The following ASTN1 variants were observed in gnomAD, a reference collection of about 807,000 sequenced individuals.
The protein encoded by ASTN1 is astrotactin-1.
A neutral mutation model predicts 140.7 loss-of-function variants in ASTN1; 41 were observed. The observed-to-expected ratio is 0.29, with a 90% CI of 0.23 to 0.38. The LOEUF (loss-of-function observed/expected upper bound fraction) is 0.38, where lower values mean the gene tolerates loss of function less well. ASTN1 is among the 10% of genes least tolerant of loss of function. ASTN1 has a pLI of 1.00. For missense variants in ASTN1, 1,479 were observed against 1,678.8 expected (o/e 0.88, Z 2.08); for synonymous variants, 640 against 652.2 (o/e 0.98, Z 0.29).
At chr1:176,969,487 C>G (rs994416924) in intron 8 of ASTN1, among the ~76,000 whole-genome samples, 3 of 152,194 alleles carry the variant, frequency 2.0e-5, no homozygotes, top group Non-Finnish European at 4.4e-5. Flanking sequence ...GACAGCAACT[C>G]CTATCTGGTT....
intron 8 of ASTN1, among the ~76,000 whole-genome samples, chr1:176,972,353 T>C (rs1194234814): frequency 6.6e-6 from 1 of 152,190 alleles, no homozygotes; most frequent in African/African-American, 2.4e-5. Flanking sequence ...CCGATCAGTG[T>C]GGTGGCCAGC....
rs541525146 is a variant in ASTN1 at position 177,047,598 on chromosome 1, A to T, written c.471+13480T>A. On this transcript the variant is annotated intron_variant, in intron 2 of 22. Transcript: ENST00000361833. ...TTTTTTAAGGGAAACAAGGCAGAAG[A>T]CAAGAGTGAAGAGGATGGAAACCAC... Among the ~76,000 whole-genome samples the T allele has an allele frequency of 2.6e-5, 4 of 152,322 alleles. No individual in the cohort carries two copies. In the East Asian group the frequency reaches 7.7e-4, roughly 29 times the overall value.
rs765069670 is a variant in ASTN1 at position 176,957,727 on chromosome 1, T to G, written c.1838A>C (p.Lys613Thr). 6.2e-7 allele frequency: 1 copy of G among 1,614,102 alleles called. No individual in the cohort carries two copies. Reference protein sequence around the residue: ...DCSKDNGGCSKNFRCISDRKL... With the variant: ...DCSKDNGGCSTNFRCISDRKL... ...GCGATCTGAAATACAGCGGAAATTC[T>G]TACTGCAGCCCCCGTTATCTTTGCT... is the stretch of plus-strand genomic sequence containing the variant. Residue 613 changes from lysine (K) to threonine (T), a missense_variant, in exon 11 of 23, where the codon AAG becomes ACG. By Grantham distance (78) the Lys-to-Thr change is moderately conservative (BLOSUM62 -1). This residue lies in a region of ASTN1 where 729 missense variants were observed against 860.4 expected (regional missense o/e 0.85). Transcript: ENST00000361833.
At chr1:176,878,901 G>C (rs965201537) in intron 20 of ASTN1, among the ~76,000 whole-genome samples, 1 of 152,136 alleles carries the variant, frequency 6.6e-6, no homozygotes, top group African/African-American at 2.4e-5. Flanking sequence ...TGCCCTCTAG[G>C]GGCCCGAGTG....
intron 14 of ASTN1, among the ~76,000 whole-genome samples, chr1:176,939,038 G>C (rs1046442748): frequency 6.6e-6 from 1 of 152,018 alleles, no homozygotes; most frequent in African/African-American, 2.4e-5. Flanking sequence ...CTTGAACCCA[G>C]GGGGCGGAGG....
chr1:177,044,405 G>C (rs1408591723), intron 2 of ASTN1, among the ~76,000 whole-genome samples: 1 of 152,088 alleles, frequency 6.6e-6, no homozygotes, highest in Non-Finnish European at 1.5e-5. Context: ...TAAAGAGTCT[G>C]TTACTTAGGC....
At chr1:176,958,119 C>T (rs946381841) in intron 10 of ASTN1, among the ~76,000 whole-genome samples, 2 of 152,196 alleles carry the variant, frequency 1.3e-5, no homozygotes, top group African/African-American at 4.8e-5. Context: ...GAAGTGCTTA[C>T]AAACTCTAAT....
chr1:177,023,312 G>C, intron 7 of ASTN1, 92 bp downstream of exon 7: 1 of 1,448,886 alleles, frequency 6.9e-7, no homozygotes, highest in Non-Finnish European at 9.3e-7. Flanking sequence ...AGTGGGACGG[G>C]GAGTTGGGAG....
chr1:177,037,172 A>G (rs1433359179), intron 2 of ASTN1, among the ~76,000 whole-genome samples: 2 of 152,174 alleles, frequency 1.3e-5, no homozygotes, highest in Non-Finnish European at 2.9e-5. Flanking sequence ...AAGCAGTTTC[A>G]GTAAATATCA....
At chr1:177,125,991 A>T (rs1297508624) in intron 1 of ASTN1, among the ~76,000 whole-genome samples, 1 of 152,196 alleles carries the variant, frequency 6.6e-6, no homozygotes, top group African/African-American at 2.4e-5. Flanking sequence ...TTATGAACAA[A>T]TCTATATCCA....
intron 11 of ASTN1, among the ~76,000 whole-genome samples, chr1:176,957,287 C>A (rs1420059441): frequency 6.6e-6 from 1 of 151,936 alleles, no homozygotes; most frequent in Non-Finnish European, 1.5e-5. Context: ...ACAGAGGGGA[C>A]AAAGTTTTTT....
intron 8 of ASTN1, among the ~76,000 whole-genome samples, chr1:176,993,871 C>G (rs1674305448): frequency 6.6e-6 from 1 of 152,152 alleles, no homozygotes; most frequent in Admixed American, 6.5e-5. Context: ...ATATTTGACT[C>G]TCTTGTAGCC....
intron 8 of ASTN1, among the ~76,000 whole-genome samples, chr1:176,997,918 T>C (rs1674532946): frequency 6.6e-6 from 1 of 152,030 alleles, no homozygotes; most frequent in Non-Finnish European, 1.5e-5. Context: ...GGGAAGGAAC[T>C]GGAGGGAAAT....
intron 16 of ASTN1, among the ~76,000 whole-genome samples, chr1:176,906,630 G>C (rs1670013555): frequency 6.6e-6 from 1 of 152,054 alleles, no homozygotes; most frequent in African/African-American, 2.4e-5. Context: ...GAGGTGGGCA[G>C]ATCGTTTGAG....
chr1:176,864,543 T>C (rs1482813669), intron 22 of ASTN1, 22 bp from the exon 23 acceptor site: 13 of 1,609,056 alleles, frequency 8.1e-6, no homozygotes, highest in Non-Finnish European at 1.0e-5. Flanking sequence ...GCACAGAGGA[T>C]ACTTAAGTTA....
At position 176,934,313 on chromosome 1, in the gene ASTN1, T is replaced by A. The variant is rs955573194; in HGVS notation, c.2510A>T (p.Asp837Val). Residue 837 changes from aspartate (D) to valine (V), a missense_variant, in exon 16 of 23, where the codon GAT becomes GTT. Transcript: ENST00000361833. Reference sequence around the variant, plus strand: ...AAAATCTGCACGAGATGTAGCCCCATCCAGCGAGTGGAGAGCATTGCTGAG... The same window carrying A: ...AAAATCTGCACGAGATGTAGCCCCAACCAGCGAGTGGAGAGCATTGCTGAG... Reference protein sequence around the residue: ...QALSNALHSLDGATSRADFVA... With the variant: ...QALSNALHSLVGATSRADFVA... 6.2e-7 allele frequency: 1 copy of A among 1,613,154 alleles called. No homozygotes were observed. Among genetic ancestry groups the A allele is most frequent in the East Asian group, 2.2e-5 (1 of 44,868 alleles).
At chr1:176,915,281 A>G (rs1670433234) in intron 16 of ASTN1, among the ~76,000 whole-genome samples, 1 of 152,164 alleles carries the variant, frequency 6.6e-6, no homozygotes, top group Admixed American at 6.5e-5. Context: ...TATGACTCTT[A>G]GTCCTTACAA....
intron 17 of ASTN1, among the ~76,000 whole-genome samples, chr1:176,893,546 C>T (rs1047723404): frequency 3.3e-5 from 5 of 152,146 alleles, no homozygotes; most frequent in South Asian, 4.1e-4. Context: ...GGCAGGTAGG[C>T]GAGAGAAACA....
intron 5 of ASTN1, 175 bp downstream of exon 5, chr1:177,029,459 T>C (rs1219138385): frequency 2.6e-6 from 2 of 772,378 alleles, no homozygotes; most frequent in Admixed American, 1.7e-5. Flanking sequence ...AATTTTCCAC[T>C]CTAGGCTCTT....
Sources: gnomAD v4.1 joint callset for allele counts (sites outside exome capture counted in the v4.1 genomes callset) on GRCh38, gnomAD v4.1.1 for gene constraint, gnomAD v4.1.1 regional missense constraint, MANE v1.5 for transcripts, NCBI Gene and HGNC (gene_info 2026-07-23, HGNC 2026-07-21) for gene names.